Variants in NPIPB11 observed in about 807,000 individuals in gnomAD.
The protein encoded by NPIPB11 is nuclear pore complex interacting protein family member B11.
A neutral mutation model predicts 32.8 loss-of-function variants in NPIPB11; 17 were observed. That is an observed-to-expected ratio of 0.52 (90% CI 0.35 to 0.78). NPIPB11 has a LOEUF of 0.78. Ranked by LOEUF, NPIPB11 falls within the 30% of genes least tolerant of loss-of-function variation. The probability of loss-of-function intolerance (pLI) is 0.01; values close to 1 mark genes in which losing one functional copy is unlikely to be tolerated. For synonymous variants in NPIPB11, 209 were observed against 398.4 expected, an observed-to-expected ratio of 0.52 and a Z score of 5.66; for missense variants, 537 against 1,000.4, an observed-to-expected ratio of 0.54 and a Z score of 6.25.
intron 2 of NPIPB11, among the ~76,000 whole-genome samples, chr16:29,400,115 T>A (rs1596683196): frequency 6.6e-6 from 1 of 151,346 alleles, no homozygotes. Flanking sequence ...TCGGTTGTGT[T>A]GGTTGTAAAA....
chr16:29,390,118 A>G (rs916138849), exon 5 of NPIPB11: 1 of 739,406 alleles, frequency 1.4e-6, no homozygotes, highest in Admixed American at 2.7e-5. Flanking sequence ...CTTTGTGTGC[A>G]TACAAATGGA....
At position 29,399,723 on chromosome 16, in the gene NPIPB11, CAA is replaced by C. The variant is rs1963943930; in HGVS notation, c.120+3958_120+3959del. 1.3e-5 allele frequency among the ~76,000 whole-genome samples: 2 copies of C among 151,380 alleles called. 1 individual carries two copies. Among genetic ancestry groups the C allele is most frequent in the Admixed American group, 1.3e-4 (2 of 15,202 alleles). Reference sequence around the variant, plus strand: ...AAAAACAGCAACAACTACAAACAAACAAAAAACAGGGTTAACAAAACTATGGA... The same window carrying C: ...AAAAACAGCAACAACTACAAACAAACAAAACAGGGTTAACAAAACTATGGA... On this transcript the variant is annotated intron_variant, in intron 2 of 7. Coordinates refer to ENST00000524087, the Ensembl canonical transcript of NPIPB11.
At chr16:29,389,549 C>T (rs138810339) in intron 5 of NPIPB11, among the ~76,000 whole-genome samples, 6,394 of 149,380 alleles carry the variant, frequency 0.043, 468 homozygotes, top group African/African-American at 0.15. Flanking sequence ...TGGTGGGCAC[C>T]TGTAATCCCA....
At chr16:29,389,946 T>C (rs938905776) in exon 5 of NPIPB11, 11 of 1,592,118 alleles carry the variant, frequency 6.9e-6, no homozygotes, top group Non-Finnish European at 9.4e-6. Context: ...CTTACTGTTT[T>C]CTGGCGGTCT....
At chr16:29,400,174 A>C (rs1182528308) in intron 2 of NPIPB11, among the ~76,000 whole-genome samples, 1 of 150,256 alleles carries the variant, frequency 6.7e-6, no homozygotes, top group African/African-American at 2.5e-5. Context: ...CCAAAAGTGA[A>C]TGGCAGAGAG....
At chr16:29,389,828 A>G (rs1424384718) in intron 5 of NPIPB11, 113 bp downstream of exon 5, 5 of 1,558,758 alleles carry the variant, frequency 3.2e-6, no homozygotes, top group African/African-American at 1.4e-5. Flanking sequence ...TCAATTTTGA[A>G]CCTACTGAAT....
chr16:29,382,328 A>T, exon 8 of NPIPB11: 1 of 1,543,700 alleles, frequency 6.5e-7, no homozygotes, highest in Non-Finnish European at 8.6e-7. Context: ...TCATCTGCTG[A>T]GGGTGGAGCT....
In NPIPB11 at chr16:29,389,668, GAAAAAAAAAAA is replaced by G. The variant is rs1160526743; in HGVS notation, c.545+262_545+272del. ...CAACAACAGCAAAGCTCCATCTCAG[GAAAAAAAAAAA>G]AAAAAAAAAAAAAAAAAAAGAGAAA... On this transcript the variant is annotated intron_variant, in intron 5 of 7. Transcript: ENST00000524087. Among the ~76,000 whole-genome samples, 156 of 17,216 alleles carry G rather than the reference GAAAAAAAAAAA, an allele frequency of 9.1e-3. 1 individual carries two copies. Among genetic ancestry groups the G allele is most frequent in the South Asian group, 0.019 (6 of 320 alleles). The allele number at this position is 17,216 out of a possible 152,430, so 11.3% of individuals were successfully genotyped here.
At chr16:29,397,616 C>G in intron 2 of NPIPB11, 2 of 1,489,842 alleles carry the variant, frequency 1.3e-6, no homozygotes, top group East Asian at 2.5e-5. Context: ...CAAAGAGGAG[C>G]CAAAAGAGCA....
At chr16:29,405,683 A>T (rs1243678648), upstream of NPIPB11, among the ~76,000 whole-genome samples, 2 of 152,144 alleles carry the variant, frequency 1.3e-5, no homozygotes, top group Non-Finnish European at 2.9e-5. Flanking sequence ...TGTGTTCTCC[A>T]GCCCATGGAG....
intron 2 of NPIPB11, among the ~76,000 whole-genome samples, chr16:29,396,539 A>G (rs1253727062): frequency 1.3e-5 from 2 of 150,374 alleles, no homozygotes; most frequent in African/African-American, 2.4e-5. Flanking sequence ...AGGCGGGCGG[A>G]TCACCTGAGG....
chr16:29,395,589 CTT>C (rs1175490920), intron 2 of NPIPB11, among the ~76,000 whole-genome samples: 1 of 119,568 alleles, frequency 8.4e-6, no homozygotes, highest in Non-Finnish European at 1.7e-5. Context: ...TTATATGAAT[CTT>C]TGTCATTTAA....
intron 3 of NPIPB11, among the ~76,000 whole-genome samples, chr16:29,390,998 G>A (rs1241293511): frequency 6.6e-6 from 1 of 150,924 alleles, no homozygotes; most frequent in African/African-American, 2.4e-5. Flanking sequence ...GCCACCTGCG[G>A]TAGCTCATGC....
intron 2 of NPIPB11, 32 bp from the exon 3 acceptor site, chr16:29,394,108 G>T (rs1445752111): frequency 3.8e-6 from 6 of 1,591,174 alleles, no homozygotes; most frequent in Non-Finnish European, 5.1e-6. Flanking sequence ...TAATGAAAAG[G>T]TCAATGACAC....
chr16:29,390,224 T>A, intron 4 of NPIPB11, 25 bp downstream of exon 4: 7 of 1,586,318 alleles, frequency 4.4e-6, no homozygotes, highest in Non-Finnish European at 5.1e-6. Context: ...ATTTCCACAC[T>A]ATGCGGATTC....
At chr16:29,398,561 C>G (rs899907367) in intron 2 of NPIPB11, among the ~76,000 whole-genome samples, 7 of 151,238 alleles carry the variant, frequency 4.6e-5, no homozygotes, top group Non-Finnish European at 8.8e-5. Context: ...AAAAATTAAC[C>G]TGACTTATTT....
At chr16:29,394,859 C>T (rs556666706) in intron 2 of NPIPB11, among the ~76,000 whole-genome samples, 5,087 of 150,454 alleles carry the variant, frequency 0.034, 129 homozygotes, top group Non-Finnish European at 0.051. Flanking sequence ...GATTCTCCTG[C>T]CTCAGCCTCC....
At chr16:29,397,038 G>C (rs1255521167) in intron 2 of NPIPB11, among the ~76,000 whole-genome samples, 6 of 151,394 alleles carry the variant, frequency 4.0e-5, no homozygotes, top group African/African-American at 1.2e-4. Flanking sequence ...ACAAAAATTA[G>C]CCAGGCGTTG....
intron 2 of NPIPB11, chr16:29,397,576 A>G (rs1338963259): frequency 5.3e-6 from 8 of 1,520,832 alleles, no homozygotes; most frequent in Non-Finnish European, 6.2e-6. Flanking sequence ...ACACGGATGC[A>G]CTGATGGCTG....
Sources: allele counts gnomAD v4.1 joint callset (sites outside exome capture counted in the v4.1 genomes callset), GRCh38; gene constraint gnomAD v4.1.1; transcripts MANE v1.5; gene names NCBI Gene and HGNC (gene_info 2026-07-23, HGNC 2026-07-21).